ZC3H18: variants seen among roughly 807,000 people sequenced by gnomAD.
ZC3H18 encodes the protein zinc finger CCCH domain-containing protein 18.
ZC3H18 carries 8 observed loss-of-function variants against 106.1 expected under a neutral mutation model. That is an observed-to-expected ratio of 0.08 (90% CI 0.04 to 0.14). The LOEUF (loss-of-function observed/expected upper bound fraction) is 0.14, where lower values mean the gene tolerates loss of function less well. Ranked by LOEUF, ZC3H18 falls within the 10% of genes least tolerant of loss-of-function variation. The probability of loss-of-function intolerance (pLI) is 1.00; values close to 1 mark genes in which losing one functional copy is unlikely to be tolerated. For missense variants in ZC3H18, 1,318 were observed against 1,278.4 expected, an observed-to-expected ratio of 1.03 and a Z score of -0.47; for synonymous variants, 635 against 522.1, an observed-to-expected ratio of 1.22 and a Z score of -2.95.
chr16:88,577,660 C>T lies in ZC3H18; in HGVS notation c.537C>T (p.Ser179=), dbSNP rs539175758. The T allele has an allele frequency of 1.9e-6, 3 of 1,613,840 alleles. No homozygotes were observed. Among genetic ancestry groups the T allele is most frequent in the Admixed American group, 1.7e-5 (1 of 60,016 alleles). ...TTCAGAGTGTGGGAGAAAAGGAATC[C>T]CTGGAGGCTGCCAAGGAGAAAAAGA... is the stretch of plus-strand genomic sequence containing the variant. ...AGVQSVGEKE[S]LEAAKEKKKE... The change falls in exon 2 of 18, where the codon TCC becomes TCT. Residue 179 remains serine (S), a synonymous_variant. Coordinates refer to ENST00000301011, the MANE Select transcript of ZC3H18 (RefSeq NM_144604.4).
intron 3 of ZC3H18, among the ~76,000 whole-genome samples, chr16:88,591,540 C>G (rs975898659): frequency 2.6e-5 from 4 of 151,862 alleles, no homozygotes; most frequent in Admixed American, 1.3e-4. Flanking sequence ...CCACTGCACT[C>G]CAGCCTGGGC....
intron 6 of ZC3H18, among the ~76,000 whole-genome samples, chr16:88,607,494 C>T (rs957685792): frequency 2.0e-5 from 3 of 152,216 alleles, no homozygotes; most frequent in South Asian, 2.1e-4. Context: ...TTCCGAGCTG[C>T]GCTCTCCCAG....
At position 88,598,697 on chromosome 16, in the gene ZC3H18, C is replaced by T. The variant is rs1030845053; in HGVS notation, c.915C>T (p.Leu305=). The change falls in exon 5 of 18, where the codon CTC becomes CTT. Residue 305 remains leucine (L), a synonymous_variant. Transcript: ENST00000301011. ...PPTESAWERG[L]RHAKEVLKKA... ...CAGAGAGTGCCTGGGAACGAGGACT[C>T]CGGCATGCAAAGGAGGTAAACACAA... is the stretch of plus-strand genomic sequence containing the variant. The T allele has an allele frequency of 1.2e-6, 2 of 1,612,026 alleles. No homozygotes were observed. Among genetic ancestry groups the T allele is most frequent in the South Asian group, 2.2e-5 (2 of 90,546 alleles).
rs1271374284 is a variant in ZC3H18, at chr16:88,625,215, G to A, written c.2056G>A (p.Gly686Ser). ...RTPPRRRTLS[G>S]SGSGSGSSYS... ...CTTGTATTACAGGCGGACGCTAAGC[G>A]GCAGCGGCAGTGGCAGTGGTAGCAG... is the stretch of plus-strand genomic sequence containing the variant. Residue 686 changes from glycine to serine, a missense_variant, in exon 13 of 18, where the codon GGC becomes AGC. Coordinates refer to ENST00000301011, the MANE Select transcript of ZC3H18 (RefSeq NM_144604.4). The A allele has an allele frequency of 3.1e-6, 5 of 1,590,806 alleles. No individual in the cohort carries two copies. The highest frequency in any genetic ancestry group is 2.3e-5 in the South Asian group (2 of 87,166).
chr16:88,589,087 C>G (rs1473297299), intron 3 of ZC3H18, among the ~76,000 whole-genome samples: 1 of 152,184 alleles, frequency 6.6e-6, no homozygotes, highest in East Asian at 1.9e-4. Context: ...ATGTTTCTGC[C>G]TACCTGCAGT....
intron 2 of ZC3H18, among the ~76,000 whole-genome samples, chr16:88,584,786 G>A (rs1054598762): frequency 1.3e-5 from 2 of 152,122 alleles, no homozygotes; most frequent in African/African-American, 4.8e-5. Context: ...TTTTGCTTCT[G>A]TGAATGTTGG....
chr16:88,581,800 C>T (rs1183053781), intron 2 of ZC3H18, among the ~76,000 whole-genome samples: 1 of 152,240 alleles, frequency 6.6e-6, no homozygotes, highest in East Asian at 1.9e-4. Context: ...CTAGTCTCTC[C>T]CCAGAACCAC....
chr16:88,614,834 G>A (rs887088574), intron 8 of ZC3H18, among the ~76,000 whole-genome samples: 8 of 152,216 alleles, frequency 5.3e-5, no homozygotes, highest in Admixed American at 1.3e-4. Flanking sequence ...CTCAGCCTAA[G>A]GCTGCCTTCT....
intron 3 of ZC3H18, among the ~76,000 whole-genome samples, chr16:88,597,376 A>G (rs1005256982): frequency 2.6e-5 from 4 of 152,244 alleles, no homozygotes; most frequent in Admixed American, 2.6e-4. Context: ...AAAATTTTAA[A>G]TGATTTAAAA....
rs145772781 is a variant in ZC3H18, at chr16:88,607,257, G to A, written c.1089-1677G>A. Reference sequence around the variant, plus strand: ...CTGGCCGCCGGTTTTCATGTGCTGCGATGGCACTGGCTTAATTATACAGGC... The same window carrying A: ...CTGGCCGCCGGTTTTCATGTGCTGCAATGGCACTGGCTTAATTATACAGGC... On this transcript the variant is annotated intron_variant, in intron 6 of 17. Coordinates refer to ENST00000301011, the MANE Select transcript of ZC3H18 (RefSeq NM_144604.4). Among the ~76,000 whole-genome samples the A allele has an allele frequency of 8.6e-3, 1,315 of 152,288 alleles. 16 individuals carry two copies. The highest frequency in any genetic ancestry group is 0.023 in the African/African-American group (950 of 41,548).
At chr16:88,605,833 G>C (rs1370396600) in intron 6 of ZC3H18, among the ~76,000 whole-genome samples, 1 of 152,238 alleles carries the variant, frequency 6.6e-6, no homozygotes, top group African/African-American at 2.4e-5. Context: ...GCAAGGCTGT[G>C]GGCAGAAACC....
chr16:88,577,275 A>C lies in ZC3H18; in HGVS notation c.152A>C (p.Glu51Ala). The C allele has an allele frequency of 6.2e-7, 1 of 1,613,374 alleles. No homozygotes were observed. Among genetic ancestry groups the C allele is most frequent in the South Asian group, 1.1e-5 (1 of 90,966 alleles). Residue 51 changes from glutamate (E) to alanine (A), a missense_variant, in exon 2 of 18, where the codon GAG becomes GCG. Glu to Ala is a moderately radical substitution (Grantham distance 107). Coordinates refer to ENST00000301011, the MANE Select transcript of ZC3H18 (RefSeq NM_144604.4). The stretch of plus-strand genomic sequence containing the variant: ...GTGAGGGCTTCTGATCTGGAGGATG[A>C]GGAAAGTGCAGCCAGGGGGCCGAGC... ...AGVRASDLED[E>A]ESAARGPSQE... is the part of the protein sequence containing the mutation.
intron 2 of ZC3H18, 94 bp downstream of exon 2, chr16:88,577,820 T>C: frequency 6.3e-7 from 1 of 1,591,726 alleles, no homozygotes; most frequent in South Asian, 1.1e-5. Flanking sequence ...TGGGACTGAC[T>C]TAGTGATTTG....
At chr16:88,588,478 A>G (rs1355204260) in intron 3 of ZC3H18, among the ~76,000 whole-genome samples, 1 of 152,240 alleles carries the variant, frequency 6.6e-6, no homozygotes, top group East Asian at 1.9e-4. Context: ...CACAAAACAG[A>G]CAGAGAGATG....
chr16:88,590,537 T>C (rs993406487), intron 3 of ZC3H18, among the ~76,000 whole-genome samples: 2 of 149,454 alleles, frequency 1.3e-5, no homozygotes, highest in African/African-American at 2.5e-5. Flanking sequence ...TTCTTTAAAC[T>C]GTGTCCCACT....
rs1042277232 is a variant in ZC3H18 at position 88,603,783 on chromosome 16, C to T, written c.1088+3835C>T. On this transcript the variant is annotated intron_variant, in intron 6 of 17. Transcript: ENST00000301011. ...GACTACAGGTGCCTGCCACCATGCC[C>T]GGCTAATTTTTTTTTTTTTTTTTGT... 7.0e-5 allele frequency among the ~76,000 whole-genome samples: 8 copies of T among 113,672 alleles called. No homozygotes were observed. The East Asian group carries it at 1.2e-3, about 16-fold the overall frequency. The allele number at this position is 113,672 out of a possible 152,430, so 74.6% of individuals were successfully genotyped here.
At chr16:88,601,380 CTATAA>C (rs1225247899) in intron 6 of ZC3H18, among the ~76,000 whole-genome samples, 2 of 152,176 alleles carry the variant, frequency 1.3e-5, no homozygotes, top group Admixed American at 1.3e-4. Flanking sequence ...ACAGAGGTCT[CTATAA>C]ATATGTGTGG....
chr16:88,613,568 G>A (rs1403158731), intron 8 of ZC3H18, among the ~76,000 whole-genome samples: 3 of 152,098 alleles, frequency 2.0e-5, no homozygotes, highest in East Asian at 1.9e-4. Context: ...CTGCCGTTGC[G>A]ATTTGTATTT....
At position 88,628,911 on chromosome 16, in the gene ZC3H18, A is replaced by G. The variant is rs1442570402; in HGVS notation, c.2566+57A>G. On this transcript the variant is annotated intron_variant, in intron 16 of 17. Coordinates refer to ENST00000301011, the MANE Select transcript of ZC3H18 (RefSeq NM_144604.4). ...GAGGGACGGGAGCCTGGGGATGCGG[A>G]GCAGCTGGGTCTGAGACCCCATTGC... The G allele has an allele frequency of 2.5e-6, 4 of 1,594,986 alleles. No individual in the cohort carries two copies. The African/African-American group carries it at 5.4e-5, about 21-fold the overall frequency.
Sources: allele counts gnomAD v4.1 joint callset (sites outside exome capture counted in the v4.1 genomes callset), GRCh38; gene constraint gnomAD v4.1.1; transcripts MANE v1.5; gene names NCBI Gene and HGNC (gene_info 2026-07-23, HGNC 2026-07-21).